Variants in EDIL3 observed in about 807,000 individuals in gnomAD.
EDIL3 encodes EGF like and discoidin domains 3.
EDIL3 carries 37 observed loss-of-function variants against 67.4 expected under a neutral mutation model. The observed-to-expected ratio is 0.55, with a 90% confidence interval of 0.42 to 0.72. The LOEUF is 0.72. Ranked by LOEUF, EDIL3 falls within the 30% of genes least tolerant of loss-of-function variation. The probability of loss-of-function intolerance (pLI) is 0.00; values close to 1 mark genes in which losing one functional copy is unlikely to be tolerated. For synonymous variants in EDIL3, 195 were observed against 196.3 expected (o/e 0.99, Z 0.05); for missense variants, 527 against 586.3 (o/e 0.90, Z 1.04).
intron 10 of EDIL3, 22 bp downstream of exon 10, chr5:83,963,183 T>A: frequency 6.3e-7 from 1 of 1,583,222 alleles, no homozygotes; most frequent in Non-Finnish European, 8.6e-7. Flanking sequence ...CTGAACTTTA[T>A]AAACCGATTT....
intron 1 of EDIL3, among the ~76,000 whole-genome samples, chr5:84,379,029 G>A (rs1580112630): frequency 6.6e-6 from 1 of 152,232 alleles, no homozygotes; most frequent in East Asian, 1.9e-4. Flanking sequence ...TGAGGGAGGA[G>A]GGGAGAGGAG....
At chr5:84,276,334 T>C (rs1194412534) in intron 1 of EDIL3, among the ~76,000 whole-genome samples, 1 of 152,186 alleles carries the variant, frequency 6.6e-6, no homozygotes, top group Non-Finnish European at 1.5e-5. Flanking sequence ...TTTTTTAAAA[T>C]ATTTACATTT....
At chr5:84,308,758 T>C (rs1198408637) in intron 1 of EDIL3, among the ~76,000 whole-genome samples, 4 of 152,212 alleles carry the variant, frequency 2.6e-5, no homozygotes, top group African/African-American at 7.2e-5. Context: ...TTTTAAATAA[T>C]ATCATTTGTA....
chr5:83,998,248 T>C (rs1238444732), intron 9 of EDIL3, among the ~76,000 whole-genome samples: 1 of 152,096 alleles, frequency 6.6e-6, no homozygotes, highest in Non-Finnish European at 1.5e-5. Context: ...TCTTGCAACT[T>C]GGACATAGTA....
chr5:84,281,735 A>T (rs956742277), intron 1 of EDIL3, among the ~76,000 whole-genome samples: 2 of 152,174 alleles, frequency 1.3e-5, no homozygotes, highest in Non-Finnish European at 2.9e-5. Context: ...GGCAGTCCAA[A>T]TACTTATTTT....
intron 1 of EDIL3, among the ~76,000 whole-genome samples, chr5:84,257,491 A>T (rs1466182940): frequency 6.6e-6 from 1 of 152,206 alleles, no homozygotes; most frequent in Admixed American, 6.5e-5. Flanking sequence ...GAAAACAGGT[A>T]ATAGATTTGA....
At chr5:84,368,697 G>A (rs533150481) in intron 1 of EDIL3, among the ~76,000 whole-genome samples, 28 of 151,326 alleles carry the variant, frequency 1.9e-4, no homozygotes, top group Non-Finnish European at 3.7e-4. Flanking sequence ...GCAACCCACG[G>A]AATGAGAAAA....
At chr5:84,016,743 A>C (rs1415695259) in intron 9 of EDIL3, among the ~76,000 whole-genome samples, 4 of 152,232 alleles carry the variant, frequency 2.6e-5, no homozygotes, top group African/African-American at 9.6e-5. Flanking sequence ...ATTTCAATAC[A>C]TATATATGTA....
chr5:84,193,228 A>C (rs958121833), intron 3 of EDIL3, among the ~76,000 whole-genome samples: 5 of 151,974 alleles, frequency 3.3e-5, no homozygotes, highest in Admixed American at 3.3e-4. Context: ...AAAATAGAGC[A>C]GTTAAGAATC....
chr5:84,215,740 A>G (rs991044), intron 3 of EDIL3, among the ~76,000 whole-genome samples: 17,012 of 152,182 alleles, frequency 0.11, 1,216 homozygotes, highest in Middle Eastern at 0.19. Context: ...TCCTTCAGGC[A>G]ATCCACCTGT....
chr5:84,231,908 C>G (rs536744066), intron 2 of EDIL3, among the ~76,000 whole-genome samples: 1 of 152,108 alleles, frequency 6.6e-6, no homozygotes, highest in African/African-American at 2.4e-5. Flanking sequence ...ACACTTATGG[C>G]TGGTCACTTT....
chr5:83,962,641 A>C (rs1248969011), intron 10 of EDIL3, among the ~76,000 whole-genome samples: 2 of 151,626 alleles, frequency 1.3e-5, no homozygotes, highest in Non-Finnish European at 3.0e-5. Flanking sequence ...CAAACCTATG[A>C]ATTAAAATAC....
At chr5:84,285,701 T>C (rs1264486106) in intron 1 of EDIL3, among the ~76,000 whole-genome samples, 3 of 152,212 alleles carry the variant, frequency 2.0e-5, no homozygotes, top group Non-Finnish European at 4.4e-5. Context: ...TAGTTACTAA[T>C]ATGTTTGGTC....
intron 3 of EDIL3, among the ~76,000 whole-genome samples, chr5:84,188,563 C>A (rs1428765742): frequency 6.6e-6 from 1 of 151,630 alleles, no homozygotes; most frequent in African/African-American, 2.4e-5. Flanking sequence ...AAACTGTGTC[C>A]CCCCGAGAAC....
intron 1 of EDIL3, among the ~76,000 whole-genome samples, chr5:84,349,572 T>C (rs576460634): frequency 1.0e-3 from 154 of 152,288 alleles, no homozygotes; most frequent in African/African-American, 3.5e-3. Context: ...TTTCTTTAAA[T>C]ATAAATTCCA....
At chr5:84,279,598 C>T (rs1262043274) in intron 1 of EDIL3, among the ~76,000 whole-genome samples, 2 of 152,130 alleles carry the variant, frequency 1.3e-5, no homozygotes, top group Non-Finnish European at 2.9e-5. Flanking sequence ...TAATACTTTG[C>T]TGTTTGTTAC....
At chr5:84,054,795 C>A (rs1746411992) in intron 9 of EDIL3, among the ~76,000 whole-genome samples, 1 of 150,656 alleles carries the variant, frequency 6.6e-6, no homozygotes, top group African/African-American at 2.5e-5. Context: ...AACCACTGCT[C>A]AATGAAATAA....
chr5:84,000,817 A>T (rs35961767), intron 9 of EDIL3, among the ~76,000 whole-genome samples: 3,486 of 152,110 alleles, frequency 0.023, 67 homozygotes, highest in Non-Finnish European at 0.038. Context: ...AATAAGATGT[A>T]CTTTGGAAAT....
At chr5:83,969,237 A>G (rs901987207) in intron 9 of EDIL3, among the ~76,000 whole-genome samples, 6 of 151,806 alleles carry the variant, frequency 4.0e-5, no homozygotes, top group African/African-American at 1.4e-4. Context: ...TTAACTTACT[A>G]TTAAACATTT....
Sources: allele counts gnomAD v4.1 joint callset (sites outside exome capture counted in the v4.1 genomes callset), GRCh38; gene constraint gnomAD v4.1.1; transcripts MANE v1.5; gene names NCBI Gene and HGNC (gene_info 2026-07-23, HGNC 2026-07-21).